The following MMS22L variants were observed in gnomAD, a reference collection of about 807,000 sequenced individuals.
MMS22L encodes MMS22 like, DNA repair protein, also known as protein MMS22-like.
Under a neutral mutation model 159.1 loss-of-function variants are expected in MMS22L, and 74 were observed. The ratio of observed to expected loss-of-function variants is 0.47; its 90% CI spans 0.39 to 0.56. The LOEUF is 0.56. Ranked by LOEUF, MMS22L falls within the 20% of genes least tolerant of loss-of-function variation. The pLI, the probability that MMS22L is intolerant of heterozygous loss-of-function variation, is 0.00. For missense variants in MMS22L, 1,351 were observed against 1,422.1 expected (o/e 0.95, Z 0.80); for synonymous variants, 517 against 506.9 (o/e 1.02, Z -0.27).
chr6:97,242,395 T>C (rs1812177046), intron 11 of MMS22L, among the ~76,000 whole-genome samples: 1 of 152,226 alleles, frequency 6.6e-6, no homozygotes, highest in Non-Finnish European at 1.5e-5. Context: ...ATCTGTTTTG[T>C]CTGATACAAG....
intron 6 of MMS22L, chr6:97,271,561 T>C (rs1206655219): frequency 6.6e-6 from 1 of 152,242 alleles, no homozygotes; most frequent in African/African-American, 2.4e-5. Flanking sequence ...ATCGATTAGA[T>C]ATATTAACTT....
chr6:97,174,743 G>GTGAAAGACTACTTCTTTCAC (rs1472472432), intron 18 of MMS22L, among the ~76,000 whole-genome samples: 2 of 152,196 alleles, frequency 1.3e-5, no homozygotes, highest in Admixed American at 6.5e-5. Flanking sequence ...TAGGGGAGAA[G>GTGAAAGACTACTTCTTTCAC]TGAAAGACTA....
At chr6:97,257,819 C>G (rs925050312) in intron 9 of MMS22L, among the ~76,000 whole-genome samples, 2 of 152,118 alleles carry the variant, frequency 1.3e-5, no homozygotes, top group Non-Finnish European at 2.9e-5. Flanking sequence ...AAGGTAGTAC[C>G]TGCCACATTT....
At chr6:97,156,410 G>T (rs563189478) in intron 22 of MMS22L, among the ~76,000 whole-genome samples, 1 of 152,190 alleles carries the variant, frequency 6.6e-6, no homozygotes, top group Non-Finnish European at 1.5e-5. Flanking sequence ...TGTCCTGAAT[G>T]ATACTGCCTA....
In MMS22L at chr6:97,278,740, T is replaced by C. The variant is rs866920217; in HGVS notation, c.340+109A>G. 5.3e-5 allele frequency: 43 copies of C among 817,976 alleles called. No homozygotes were observed. The African/African-American group carries it at 5.8e-4, about 11-fold the overall frequency. 50.7% of individuals were successfully genotyped at this position (817,976 alleles called of 1,614,324 possible). On this transcript the variant is annotated intron_variant, in intron 4 of 24. Coordinates refer to ENST00000683635, the MANE Select transcript of MMS22L (RefSeq NM_001350599.2). ...CTAAATTCGTAAACTTCTGGCCTAA[T>C]GCTTCCTCTGTATTATCATGATATG...
At chr6:97,223,780 A>C (rs1054039152) in intron 14 of MMS22L, among the ~76,000 whole-genome samples, 3 of 152,164 alleles carry the variant, frequency 2.0e-5, no homozygotes, top group Non-Finnish European at 4.4e-5. Flanking sequence ...GAAATGCTAA[A>C]AACTGATGGG....
In MMS22L at chr6:97,269,961, A is replaced by T. The variant is rs1434493515; in HGVS notation, c.638T>A (p.Leu213His). ...LFPPSWHLLH[L>H]HLDIHWLVLE... ...CACCAGCCAATGTATATCCAAGTGG[A>T]GATGTAATAAATGCCATGACGGTGG... Residue 213 changes from leucine to histidine, a missense_variant, in exon 7 of 25, where the codon CTC (leucine) becomes CAC (histidine). Leu to His is a moderately conservative substitution (Grantham distance 99, BLOSUM62 -3). Transcript: ENST00000683635. 1.9e-6 allele frequency: 3 copies of T among 1,612,596 alleles called. No homozygotes were observed. Among genetic ancestry groups the T allele is most frequent in the Non-Finnish European group, 2.5e-6 (3 of 1,179,294 alleles).
chr6:97,186,512 C>T lies in MMS22L; in HGVS notation c.2218G>A (p.Ala740Thr). 1 of 1,612,374 alleles carries T rather than the reference C, an allele frequency of 6.2e-7. No homozygotes were observed. The highest frequency in any genetic ancestry group is 8.5e-7 in the Non-Finnish European group (1 of 1,179,372). The change falls in exon 15 of 25, where the codon GCG becomes ACG. Residue 740 changes from alanine (A) to threonine (T), a missense_variant. Physicochemically the swap from Ala to Thr is moderately conservative, Grantham distance 58 (BLOSUM62 0). Transcript: ENST00000683635. ...MSQVVPFSQL[A>T]DAAADFTLLA... ...TAATGCTGACCTGCAGCTGCATCCG[C>T]AAGTTGTGAGAAAGGCACTACCTGT...
At chr6:97,270,136 G>A in intron 6 of MMS22L, 144 bp from the exon 7 acceptor site, 1 of 664,828 alleles carries the variant, frequency 1.5e-6, no homozygotes, top group Non-Finnish European at 2.7e-6. Flanking sequence ...GAAAACCTCT[G>A]TCTTGTTCAT....
At chr6:97,282,885 C>G (rs1816897614) in intron 1 of MMS22L, 1 of 157,004 alleles carries the variant, frequency 6.4e-6, no homozygotes, top group Non-Finnish European at 1.4e-5. Context: ...GCCCGTTTCC[C>G]AGCAGCAGGG....
Position 97,226,621 on chromosome 6 carries a change from A to C in MMS22L, c.2039+2273T>G, listed in dbSNP as rs1411530991. ...AAATATATATGTATATATTCTATAT[A>C]CACATATGTGTATATCCTATACATT... On this transcript the variant is annotated intron_variant, in intron 14 of 24. Transcript: ENST00000683635. 3.3e-5 allele frequency among the ~76,000 whole-genome samples: 5 copies of C among 151,910 alleles called. No individual in the cohort carries two copies. In the East Asian group the frequency reaches 9.7e-4, roughly 29 times the overall value.
Position 97,186,667 on chromosome 6 carries a change from T to C in MMS22L, c.2063A>G (p.Gln688Arg), listed in dbSNP as rs1805272000. The C allele has an allele frequency of 6.4e-7, 1 of 1,565,654 alleles. No individual in the cohort carries two copies. The highest frequency in any genetic ancestry group is 1.4e-5 in the African/African-American group (1 of 72,462). Residue 688 changes from glutamine (Q) to arginine (R), a missense_variant, in exon 15 of 25, where the codon CAG becomes CGG. By Grantham distance (43) the Gln-to-Arg change is conservative. Transcript: ENST00000683635. Reference protein sequence around the residue: ...RIRSMHQQLCQELQRDNVDLF... With the variant: ...RIRSMHQQLCRELQRDNVDLF... ...GTCCACATTGTCCCTTTGAAGTTCCTGACACAATTGTTGATGCATACTCCT... is the reference window on the plus strand; with the variant it reads ...GTCCACATTGTCCCTTTGAAGTTCCCGACACAATTGTTGATGCATACTCCT...
chr6:97,149,779 A>G, intron 24 of MMS22L, 74 bp downstream of exon 24: 3 of 1,384,282 alleles, frequency 2.2e-6, no homozygotes, highest in Non-Finnish European at 2.9e-6. Flanking sequence ...TAAGAAAATA[A>G]ATCATTTCTA....
chr6:97,234,672 GAA>G (rs1811211926), intron 11 of MMS22L, among the ~76,000 whole-genome samples: 1 of 152,074 alleles, frequency 6.6e-6, no homozygotes, highest in Non-Finnish European at 1.5e-5. Context: ...TTTTTGGAAA[GAA>G]AAGAAAAGGA....
chr6:97,246,795 T>C, intron 10 of MMS22L, 105 bp from the exon 11 acceptor site: 1 of 701,744 alleles, frequency 1.4e-6, no homozygotes. Context: ...TCCTCTATCA[T>C]TCAGCATCAA....
At chr6:97,273,130 G>GT in intron 4 of MMS22L, 68 bp from the exon 5 acceptor site, 1 of 1,254,610 alleles carries the variant, frequency 8.0e-7, no homozygotes, top group African/African-American at 1.5e-5. Flanking sequence ...AAAAAATGTT[G>GT]TAAGCCATAC....
chr6:97,256,993 T>C (rs1813887313), intron 9 of MMS22L, among the ~76,000 whole-genome samples: 1 of 152,176 alleles, frequency 6.6e-6, no homozygotes, highest in Non-Finnish European at 1.5e-5. Context: ...TGTAAGATGC[T>C]TTAAATTTCT....
intron 18 of MMS22L, among the ~76,000 whole-genome samples, 180 bp downstream of exon 18, chr6:97,178,262 GA>G (rs1439093821): frequency 6.6e-6 from 1 of 152,040 alleles, no homozygotes; most frequent in African/African-American, 2.4e-5. Context: ...CCTTAAGTGT[GA>G]ATTGTACTAT....
At chr6:97,208,689 T>C (rs1808048999) in intron 14 of MMS22L, among the ~76,000 whole-genome samples, 1 of 152,006 alleles carries the variant, frequency 6.6e-6, no homozygotes, top group African/African-American at 2.4e-5. Flanking sequence ...TCAAGGATCT[T>C]ATGATTCAGG....
Sources: allele counts gnomAD v4.1 joint callset (sites outside exome capture counted in the v4.1 genomes callset), GRCh38; gene constraint gnomAD v4.1.1; transcripts MANE v1.5; gene names NCBI Gene and HGNC (gene_info 2026-07-23, HGNC 2026-07-21).